Variants in EPM2A observed in about 807,000 individuals in gnomAD.
EPM2A encodes laforin.
Under a neutral mutation model 26.5 loss-of-function variants are expected in EPM2A, and 21 were observed. That is an observed-to-expected ratio of 0.79 (90% CI 0.56 to 1.14). The LOEUF (loss-of-function observed/expected upper bound fraction) is 1.14, where lower values mean the gene tolerates loss of function less well. Among genes scored for constraint, EPM2A ranks in the 50% most tolerant of loss-of-function variants. The pLI, the probability that EPM2A is intolerant of heterozygous loss-of-function variation, is 0.00. For missense variants in EPM2A, 458 were observed against 440.8 expected (o/e 1.04, Z -0.35); for synonymous variants, 217 against 177.6 (o/e 1.22, Z -1.76).
chr6:145,659,991 T>A (rs1390480635), intron 2 of EPM2A, among the ~76,000 whole-genome samples: 1 of 152,028 alleles, frequency 6.6e-6, no homozygotes, highest in Non-Finnish European at 1.5e-5. Context: ...GGTTGCAGGC[T>A]AGGGCAGGTG....
At chr6:145,531,304 T>A (rs1780352702) in intron 2 of EPM2A, among the ~76,000 whole-genome samples, 1 of 152,064 alleles carries the variant, frequency 6.6e-6, no homozygotes, top group South Asian at 2.1e-4. Flanking sequence ...AATGTTGGCA[T>A]CCAATATAAA....
exon 5 of EPM2A, chr6:145,383,965 G>C (rs193296753): frequency 1.3e-5 from 2 of 152,150 alleles, no homozygotes; most frequent in East Asian, 1.9e-4. Flanking sequence ...TAATGACAAG[G>C]TTACATTTTA....
intron 2 of EPM2A, among the ~76,000 whole-genome samples, chr6:145,619,684 A>G (rs1775589860): frequency 6.6e-6 from 1 of 152,196 alleles, no homozygotes; most frequent in Non-Finnish European, 1.5e-5. Context: ...TGTCCCCACC[A>G]ACATTTCTTT....
chr6:145,734,884 T>C (rs576381834), intron 1 of EPM2A: 201 of 174,358 alleles, frequency 1.2e-3, no homozygotes, highest in African/African-American at 4.4e-3. Context: ...GCAGGCGCGG[T>C]TGGAAAGAAG....
chr6:145,453,240 A>C (rs951613264), intron 4 of EPM2A, among the ~76,000 whole-genome samples: 1 of 152,176 alleles, frequency 6.6e-6, no homozygotes, highest in African/African-American at 2.4e-5. Flanking sequence ...CTATGAAATT[A>C]TTTTTAATCA....
intron 4 of EPM2A, among the ~76,000 whole-genome samples, chr6:145,422,095 AAT>A (rs1164828226): frequency 1.4e-4 from 21 of 145,836 alleles, no homozygotes; most frequent in East Asian, 4.0e-4. Flanking sequence ...AGAGAGAGAT[AAT>A]ATATATATAC....
At chr6:145,468,192 G>A (rs1779425225) in intron 4 of EPM2A, among the ~76,000 whole-genome samples, 1 of 151,974 alleles carries the variant, frequency 6.6e-6, no homozygotes, top group Admixed American at 6.6e-5. Context: ...AAGACATAAT[G>A]TCCCAGGGTT....
At chr6:145,453,176 T>G (rs1779218801) in intron 4 of EPM2A, among the ~76,000 whole-genome samples, 1 of 152,226 alleles carries the variant, frequency 6.6e-6, no homozygotes, top group South Asian at 2.1e-4. Flanking sequence ...TTTATCCCAG[T>G]GCTCACACAT....
intron 4 of EPM2A, among the ~76,000 whole-genome samples, chr6:145,455,399 C>A (rs1377922530): frequency 6.6e-6 from 1 of 152,028 alleles, no homozygotes; most frequent in Non-Finnish European, 1.5e-5. Context: ...ACTCTGTTGC[C>A]CAGGCTAGAG....
intron 4 of EPM2A, chr6:145,492,014 G>T: frequency 2.6e-6 from 1 of 382,426 alleles, no homozygotes; most frequent in Non-Finnish European, 5.1e-6. Context: ...CGATCTTGCT[G>T]TTTATTCAGT....
chr6:145,504,212 A>C (rs1448332459), intron 2 of EPM2A, among the ~76,000 whole-genome samples: 1 of 128,558 alleles, frequency 7.8e-6, no homozygotes, highest in Non-Finnish European at 1.7e-5. Flanking sequence ...AAACACCAAA[A>C]GCAATGGCAA....
At chr6:145,705,328 T>C (rs1325546336) in intron 1 of EPM2A, among the ~76,000 whole-genome samples, 2 of 152,024 alleles carry the variant, frequency 1.3e-5, no homozygotes, top group East Asian at 1.9e-4. Context: ...TATATAGATA[T>C]AGATACAGAT....
intron 2 of EPM2A, among the ~76,000 whole-genome samples, chr6:145,541,562 C>CA (rs1466891688): frequency 1.3e-5 from 2 of 151,836 alleles, no homozygotes; most frequent in Admixed American, 1.3e-4. Context: ...CCAAAGTTGC[C>CA]AATTGAAGGT....
At chr6:145,451,610 A>G (rs1779196163) in intron 4 of EPM2A, among the ~76,000 whole-genome samples, 1 of 152,250 alleles carries the variant, frequency 6.6e-6, no homozygotes, top group African/African-American at 2.4e-5. Context: ...ATGAGAATCT[A>G]GGTATAGTCT....
At chr6:145,710,544 C>A (rs1222850504) in intron 1 of EPM2A, among the ~76,000 whole-genome samples, 2 of 152,154 alleles carry the variant, frequency 1.3e-5, no homozygotes, top group East Asian at 3.9e-4. Flanking sequence ...TAGTTCAACC[C>A]TTGTGGAAGT....
chr6:145,606,405 T>G (rs1022435557), intron 2 of EPM2A, among the ~76,000 whole-genome samples: 2 of 151,908 alleles, frequency 1.3e-5, no homozygotes, highest in African/African-American at 4.8e-5. Context: ...ACATTTTATA[T>G]TAAATTTTTA....
intron 4 of EPM2A, among the ~76,000 whole-genome samples, chr6:145,416,392 C>T (rs917846131): frequency 2.6e-5 from 4 of 151,890 alleles, no homozygotes; most frequent in Non-Finnish European, 5.9e-5. Context: ...AAAATTTGAC[C>T]ACTATAATTA....
intron 4 of EPM2A, among the ~76,000 whole-genome samples, chr6:145,408,294 T>G (rs1778597107): frequency 6.6e-6 from 1 of 152,182 alleles, no homozygotes; most frequent in African/African-American, 2.4e-5. Flanking sequence ...CAGTAACAGC[T>G]GTACTACCCA....
At chr6:145,391,814 C>A (rs1778340156) in intron 4 of EPM2A, among the ~76,000 whole-genome samples, 2 of 152,146 alleles carry the variant, frequency 1.3e-5, no homozygotes, top group Non-Finnish European at 2.9e-5. Flanking sequence ...GTCCCAAGAT[C>A]TCCCACTTTT....
Sources: gnomAD v4.1 joint callset for allele counts (sites outside exome capture counted in the v4.1 genomes callset) on GRCh38, gnomAD v4.1.1 for gene constraint, MANE v1.5 for transcripts, NCBI Gene and HGNC (gene_info 2026-07-23, HGNC 2026-07-21) for gene names.